ASCC1: variants seen among roughly 807,000 people sequenced by gnomAD.
ASCC1 encodes ASC-1 complex subunit P50.
In ASCC1, 35 loss-of-function variants were observed where a neutral mutation model predicts 46.6. The observed-to-expected ratio is 0.75, with a 90% CI of 0.57 to 0.99. The LOEUF is 0.99. ASCC1 is among the 50% of genes least tolerant of loss of function. ASCC1 has a pLI of 0.00. For synonymous variants in ASCC1, 143 were observed against 146.6 expected, an observed-to-expected ratio of 0.98 and a Z score of 0.18; for missense variants, 376 against 428.7, an observed-to-expected ratio of 0.88 and a Z score of 1.09.
intron 6 of ASCC1, among the ~76,000 whole-genome samples, chr10:72,155,582 T>C (rs1218120427): frequency 6.6e-6 from 1 of 152,224 alleles, no homozygotes; most frequent in East Asian, 1.9e-4. Flanking sequence ...AACATACATA[T>C]ACATATCCAA....
chr10:72,207,476 C>T lies in ASCC1; in HGVS notation c.212+3256G>A, dbSNP rs372150273. Among the ~76,000 whole-genome samples, 207 of 152,258 alleles carry T rather than the reference C, an allele frequency of 1.4e-3. 2 individuals carry two copies. Among genetic ancestry groups the T allele is most frequent in the African/African-American group, 4.9e-3 (202 of 41,562 alleles). On this transcript the variant is annotated intron_variant, in intron 3 of 9. Coordinates refer to ENST00000672957, the MANE Select transcript of ASCC1 (RefSeq NM_001198800.3). ...ACAAATAAGCAGTGACAAGGTGACT[C>T]CTTGGTTGAATACATAAGAGGAAAT...
chr10:72,116,928 A>G (rs769803581), intron 9 of ASCC1, among the ~76,000 whole-genome samples: 1 of 152,074 alleles, frequency 6.6e-6, no homozygotes, highest in East Asian at 1.9e-4. Flanking sequence ...CCCCATCTCT[A>G]TATTTTAAAT....
intron 3 of ASCC1, among the ~76,000 whole-genome samples, chr10:72,209,614 T>C (rs550728230): frequency 6.6e-6 from 1 of 151,192 alleles, no homozygotes; most frequent in African/African-American, 2.4e-5. Context: ...CGAAACCCCA[T>C]CTCTACTAAA....
At chr10:72,125,291 C>T (rs549836316) in intron 9 of ASCC1, among the ~76,000 whole-genome samples, 33 of 152,132 alleles carry the variant, frequency 2.2e-4, no homozygotes, top group Non-Finnish European at 4.0e-4. Context: ...CATTCCTGAT[C>T]CTTGGCCTAT....
At chr10:72,116,040 A>G (rs1372460178) in intron 9 of ASCC1, among the ~76,000 whole-genome samples, 1 of 152,232 alleles carries the variant, frequency 6.6e-6, no homozygotes, top group African/African-American at 2.4e-5. Flanking sequence ...ACAGCCAAGA[A>G]TCAACAAACT....
At chr10:72,185,266 A>G (rs1259048273) in intron 5 of ASCC1, among the ~76,000 whole-genome samples, 2 of 152,210 alleles carry the variant, frequency 1.3e-5, no homozygotes, top group Non-Finnish European at 2.9e-5. Context: ...CAACAATTAC[A>G]CTATTAAGTA....
rs57745135 is a variant in ASCC1 at position 72,152,172 on chromosome 10, G to GT, written c.746+696dup. Among the ~76,000 whole-genome samples the GT allele has an allele frequency of 9.3e-3, 1,254 of 134,996 alleles. 10 individuals are homozygous for GT. Among genetic ancestry groups the GT allele is most frequent in the African/African-American group, 0.016 (590 of 36,128 alleles). 88.6% of individuals were successfully genotyped at this position (134,996 alleles called of 152,430 possible). A position where few individuals can be genotyped will look rare whatever the true frequency, so the allele number is the denominator to read the frequency against. ...CATGCCTGGCTAATTTTGTTTTTGG[G>GT]TTTTTTTTTTTTTGTTTTTTGTGTT... On this transcript the variant is annotated intron_variant, in intron 7 of 9. Coordinates refer to ENST00000672957, the MANE Select transcript of ASCC1 (RefSeq NM_001198800.3).
intron 5 of ASCC1, chr10:72,190,596 A>C (rs1782846817): frequency 8.6e-7 from 1 of 1,162,848 alleles, no homozygotes; most frequent in African/African-American, 1.6e-5. Context: ...AGTTTGTAAA[A>C]TTCATACCTA....
intron 8 of ASCC1, among the ~76,000 whole-genome samples, chr10:72,130,253 G>T (rs1845431041): frequency 6.6e-6 from 1 of 152,168 alleles, no homozygotes; most frequent in South Asian, 2.1e-4. Flanking sequence ...GTGACTGCCA[G>T]TGGGTATGGG....
At chr10:72,135,596 A>T (rs1028496335) in intron 7 of ASCC1, among the ~76,000 whole-genome samples, 1 of 152,190 alleles carries the variant, frequency 6.6e-6, no homozygotes, top group Non-Finnish European at 1.5e-5. Context: ...TCTCAGGCCC[A>T]TGGAACGACT....
chr10:72,210,865 A>T, intron 2 of ASCC1, 34 bp from the exon 3 acceptor site: 1 of 1,603,374 alleles, frequency 6.2e-7, no homozygotes. Flanking sequence ...ACTCAGAAAC[A>T]ATGTTGCTCT....
chr10:72,097,415 C>T lies in ASCC1; in HGVS notation c.993G>A (p.Leu331=), dbSNP rs1841210080. The T allele has an allele frequency of 6.2e-7, 1 of 1,613,828 alleles. No individual in the cohort carries two copies. Among genetic ancestry groups the T allele is most frequent in the East Asian group, 2.2e-5 (1 of 44,874 alleles). The change falls in exon 10 of 10, where the codon CTG becomes CTA. Residue 331 remains leucine (L), a synonymous_variant. Coordinates refer to ENST00000672957, the MANE Select transcript of ASCC1 (RefSeq NM_001198800.3). ...ACCTCTGAGAGATGTGAATTGAATTCAGCTTTAGGGAGCCAAAGTAGAAGT... is the reference window on the plus strand; with the variant it reads ...ACCTCTGAGAGATGTGAATTGAATTTAGCTTTAGGGAGCCAAAGTAGAAGT... ...FENFYFGSLK[L]NSIHISQRFT...
chr10:72,135,113 T>C (rs1846033875), intron 7 of ASCC1, among the ~76,000 whole-genome samples: 2 of 152,162 alleles, frequency 1.3e-5, no homozygotes, highest in Non-Finnish European at 2.9e-5. Context: ...AAACGCTTAC[T>C]GACAAGAAAT....
chr10:72,203,084 C>T (rs1368866932), intron 4 of ASCC1, among the ~76,000 whole-genome samples: 1 of 151,926 alleles, frequency 6.6e-6, no homozygotes, highest in African/African-American at 2.4e-5. Context: ...GTCAGGAGTT[C>T]GAGACCAGCC....
chr10:72,162,807 G>C (rs2132707188), intron 5 of ASCC1, among the ~76,000 whole-genome samples: 1 of 152,138 alleles, frequency 6.6e-6, no homozygotes, highest in East Asian at 1.9e-4. Flanking sequence ...GCTGGGTGTG[G>C]TGGCAGGCGC....
intron 9 of ASCC1, among the ~76,000 whole-genome samples, chr10:72,124,360 T>C (rs1844589083): frequency 1.3e-5 from 2 of 152,356 alleles, no homozygotes; most frequent in East Asian, 1.9e-4. Context: ...TTTAGACCTA[T>C]AGTACTTTCC....
rs1847886022 is a variant in ASCC1, at chr10:72,148,336, C to A, written c.746+4533G>T. On this transcript the variant is annotated intron_variant, in intron 7 of 9. Coordinates refer to ENST00000672957, the MANE Select transcript of ASCC1 (RefSeq NM_001198800.3). ...ATGAATAAAGTACTGGGTCCATATA[C>A]CTAAGTAGATGGCTGTCTGGAAAAA... Among the ~76,000 whole-genome samples, 3 of 152,052 alleles carry A rather than the reference C, an allele frequency of 2.0e-5. No individual in the cohort carries two copies. The South Asian group carries it at 6.3e-4, about 32-fold the overall frequency.
At chr10:72,133,490 T>C (rs1320636415) in intron 7 of ASCC1, 1 of 342,236 alleles carries the variant, frequency 2.9e-6, no homozygotes, top group East Asian at 6.8e-5. Context: ...GGAATGATCA[T>C]TAAAGATTTG....
rs141681760 is a variant in ASCC1, at chr10:72,201,809, G to A, written c.310+1618C>T. 6.2e-3 allele frequency among the ~76,000 whole-genome samples: 940 copies of A among 152,150 alleles called. 6 individuals carry two copies. The highest frequency in any genetic ancestry group is 9.9e-3 in the Non-Finnish European group (670 of 68,012). On this transcript the variant is annotated intron_variant, in intron 4 of 9. Transcript: ENST00000672957. ...AAATAAATTAGCCAGGTGTGGTGGC[G>A]TGTTCCTGTAGACCCAGCTATGCAA...
Sources: allele counts gnomAD v4.1 joint callset (sites outside exome capture counted in the v4.1 genomes callset), GRCh38; gene constraint gnomAD v4.1.1; transcripts MANE v1.5; gene names NCBI Gene and HGNC (gene_info 2026-07-23, HGNC 2026-07-21).